GABRB2: variants seen among roughly 807,000 people sequenced by gnomAD.
GABRB2 encodes gamma-aminobutyric acid receptor subunit beta-2.
A neutral mutation model predicts 54.7 loss-of-function variants in GABRB2; 16 were observed. The observed-to-expected ratio is 0.29, with a 90% CI of 0.20 to 0.44. GABRB2 has a LOEUF of 0.44. Among genes scored for constraint, GABRB2 ranks in the 20% least tolerant of loss-of-function variants. The pLI is 1.00. For synonymous variants in GABRB2, 244 were observed against 233.8 expected, an observed-to-expected ratio of 1.04 and a Z score of -0.40; for missense variants, 355 against 644.0, an observed-to-expected ratio of 0.55 and a Z score of 4.86.
At chr5:161,330,402 C>T (rs1753803378) in intron 8 of GABRB2, 1 of 153,730 alleles carries the variant, frequency 6.5e-6, no homozygotes. Flanking sequence ...TGTATACTTG[C>T]TTATCTTTCC....
At chr5:161,407,500 A>G (rs114149673) in intron 5 of GABRB2, among the ~76,000 whole-genome samples, 4,596 of 152,138 alleles carry the variant, frequency 0.03, 268 homozygotes, top group African/African-American at 0.1. Flanking sequence ...AAGCATCGGC[A>G]CACCTGGGAA....
rs371383800 is a variant in GABRB2, at chr5:161,488,770, T to A, written c.238-28926A>T. On this transcript the variant is annotated intron_variant, in intron 3 of 9. Transcript: ENST00000393959. The stretch of plus-strand genomic sequence containing the variant: ...TGTTTATCTGTTTCTTTGTTACTAA[T>A]GTTATGTGGTTCCTTTCTGAGAAAA... Among the ~76,000 whole-genome samples the A allele has an allele frequency of 1.3e-3, 201 of 151,882 alleles. 2 individuals are homozygous for A. The highest frequency in any genetic ancestry group is 4.7e-3 in the African/African-American group (194 of 41,510).
chr5:161,527,674 A>T (rs2113446763), intron 3 of GABRB2, among the ~76,000 whole-genome samples: 1 of 151,734 alleles, frequency 6.6e-6, no homozygotes, highest in South Asian at 2.1e-4. Flanking sequence ...ATGACATAAA[A>T]AGGCAACTCA....
chr5:161,296,474 A>C (rs932044152), intron 9 of GABRB2, among the ~76,000 whole-genome samples: 3 of 152,228 alleles, frequency 2.0e-5, no homozygotes, highest in Non-Finnish European at 4.4e-5. Context: ...TAACATAGCA[A>C]TAATGATCAT....
At chr5:161,509,391 T>C (rs1169815137) in intron 3 of GABRB2, among the ~76,000 whole-genome samples, 4 of 151,922 alleles carry the variant, frequency 2.6e-5, no homozygotes, top group Non-Finnish European at 4.4e-5. Flanking sequence ...ACTTCCCACA[T>C]TGGGAGCATG....
intron 9 of GABRB2, among the ~76,000 whole-genome samples, chr5:161,313,808 A>AGT: frequency 6.6e-6 from 1 of 152,288 alleles, no homozygotes; most frequent in East Asian, 1.9e-4. Flanking sequence ...ATCCTCACAT[A>AGT]GTGATTAAGG....
intron 5 of GABRB2, among the ~76,000 whole-genome samples, chr5:161,364,875 A>C (rs1286728763): frequency 6.6e-6 from 1 of 152,184 alleles, no homozygotes; most frequent in Non-Finnish European, 1.5e-5. Flanking sequence ...CTTGTCCAGA[A>C]CAGCCATTCC....
intron 3 of GABRB2, among the ~76,000 whole-genome samples, chr5:161,537,800 T>C (rs2113469658): frequency 6.6e-6 from 1 of 152,246 alleles, no homozygotes; most frequent in South Asian, 2.1e-4. Context: ...GACACAAAAA[T>C]GGTCTTCATC....
At chr5:161,469,124 T>C (rs1758361810) in intron 3 of GABRB2, among the ~76,000 whole-genome samples, 1 of 151,972 alleles carries the variant, frequency 6.6e-6, no homozygotes, top group African/African-American at 2.4e-5. Flanking sequence ...CTCTGTGTGA[T>C]GACATGTCAA....
At chr5:161,314,771 C>T (rs547252522) in intron 9 of GABRB2, among the ~76,000 whole-genome samples, 1 of 152,008 alleles carries the variant, frequency 6.6e-6, no homozygotes, top group Admixed American at 6.6e-5. Context: ...AATAAATAGT[C>T]CATAATCTTT....
chr5:161,504,917 A>G (rs1415465598), intron 3 of GABRB2, among the ~76,000 whole-genome samples: 2 of 152,086 alleles, frequency 1.3e-5, no homozygotes, highest in Non-Finnish European at 2.9e-5. Flanking sequence ...AATAGTAAAT[A>G]TGAATAGGCC....
intron 5 of GABRB2, among the ~76,000 whole-genome samples, chr5:161,346,654 A>C (rs1754326024): frequency 6.6e-6 from 1 of 152,110 alleles, no homozygotes; most frequent in Non-Finnish European, 1.5e-5. Flanking sequence ...TCCTGAAGAT[A>C]AACTTTGGGT....
chr5:161,407,083 C>T, intron 5 of GABRB2, among the ~76,000 whole-genome samples: 1 of 152,070 alleles, frequency 6.6e-6, no homozygotes, highest in East Asian at 1.9e-4. Context: ...GTTATTTGAG[C>T]AGCTTAGTTT....
chr5:161,357,670 G>T (rs7702598), intron 5 of GABRB2, among the ~76,000 whole-genome samples: 14,175 of 152,088 alleles, frequency 0.093, 773 homozygotes, highest in East Asian at 0.17. Context: ...AGAGATAATG[G>T]TAGCTTAGAG....
At chr5:161,308,237 T>C (rs1027880629) in intron 9 of GABRB2, among the ~76,000 whole-genome samples, 11 of 152,178 alleles carry the variant, frequency 7.2e-5, no homozygotes, top group African/African-American at 2.7e-4. Flanking sequence ...ATTGTGACAA[T>C]AGTTGAGACT....
At chr5:161,325,942 T>A (rs1020048060) in intron 9 of GABRB2, among the ~76,000 whole-genome samples, 4 of 152,082 alleles carry the variant, frequency 2.6e-5, no homozygotes, top group Non-Finnish European at 2.9e-5. Flanking sequence ...AGACACAAGT[T>A]AGTAATGTAG....
chr5:161,456,196 T>A (rs531962842), intron 4 of GABRB2, among the ~76,000 whole-genome samples: 1 of 152,206 alleles, frequency 6.6e-6, no homozygotes, highest in Non-Finnish European at 1.5e-5. Flanking sequence ...CATATCCACA[T>A]CTTCATGGTT....
At chr5:161,412,536 T>C (rs959173758) in intron 4 of GABRB2, among the ~76,000 whole-genome samples, 9 of 152,150 alleles carry the variant, frequency 5.9e-5, no homozygotes, top group Non-Finnish European at 8.8e-5. Flanking sequence ...TCAGATCTTT[T>C]AAAAACATAA....
At chr5:161,312,307 T>C (rs976665632) in intron 9 of GABRB2, among the ~76,000 whole-genome samples, 1 of 152,210 alleles carries the variant, frequency 6.6e-6, no homozygotes, top group Non-Finnish European at 1.5e-5. Context: ...TATCTCTCTC[T>C]TTCATTCTAA....
Sources: gnomAD v4.1 joint callset for allele counts (sites outside exome capture counted in the v4.1 genomes callset) on GRCh38, gnomAD v4.1.1 for gene constraint, MANE v1.5 for transcripts, NCBI Gene and HGNC (gene_info 2026-07-23, HGNC 2026-07-21) for gene names.